The following WWOX variants were observed in gnomAD, a reference collection of about 807,000 sequenced individuals.
WWOX encodes WW domain-containing oxidoreductase.
Under a neutral mutation model 46.2 loss-of-function variants are expected in WWOX, and 69 were observed. That is an observed-to-expected ratio of 1.49 (90% CI 1.23 to 1.82). The LOEUF (loss-of-function observed/expected upper bound fraction) is 1.82, where lower values mean the gene tolerates loss of function less well. Ranked by LOEUF, WWOX falls within the 40% of genes most tolerant of loss-of-function variation. WWOX has a pLI of 0.00. For missense variants in WWOX, 919 were observed against 542.6 expected (o/e 1.69, Z -6.89); for synonymous variants, 359 against 202.6 (o/e 1.77, Z -6.56).
At position 79,197,244 on chromosome 16, in the gene WWOX, G is replaced by A. The variant is rs536294319; in HGVS notation, c.1057-14364G>A. 2.0e-5 allele frequency among the ~76,000 whole-genome samples: 3 copies of A among 152,232 alleles called. No individual in the cohort carries two copies. The South Asian group carries it at 6.2e-4, about 32-fold the overall frequency. ...ATCCCAATGGCTTTATGACCTTGAG[G>A]TCCTGATCTGTTTTATCATAGCTCT... is the stretch of plus-strand genomic sequence containing the variant. On this transcript the variant is annotated intron_variant, in intron 8 of 8. Coordinates refer to ENST00000566780, the MANE Select transcript of WWOX (RefSeq NM_016373.4).
At chr16:78,906,305 G>T (rs1202324349) in intron 8 of WWOX, among the ~76,000 whole-genome samples, 2 of 152,166 alleles carry the variant, frequency 1.3e-5, no homozygotes, top group African/African-American at 4.8e-5. Context: ...AAAGCCTCTT[G>T]GCCTTGAATA....
chr16:78,998,964 C>T (rs2047042265), intron 8 of WWOX, among the ~76,000 whole-genome samples: 1 of 152,188 alleles, frequency 6.6e-6, no homozygotes, highest in African/African-American at 2.4e-5. Flanking sequence ...TGGGTGTTGA[C>T]AGATTCCAGG....
rs2051768111 is a variant in WWOX at position 79,211,839 on chromosome 16, T to C, written c.*43T>C. On this transcript the variant is annotated 3_prime_UTR_variant, in exon 9 of 9. Transcript: ENST00000566780. ...TGGGCACACACACCCGCCCTGTGTG[T>C]GTCCCCTCACGCAAGTGCCAGGGCT... 2 of 1,612,116 alleles carry C rather than the reference T, an allele frequency of 1.2e-6. No homozygotes were observed. The highest frequency in any genetic ancestry group is 1.7e-6 in the Non-Finnish European group (2 of 1,179,492).
chr16:78,236,975 G>A (rs1293865174), intron 5 of WWOX, among the ~76,000 whole-genome samples: 3 of 151,348 alleles, frequency 2.0e-5, no homozygotes, highest in African/African-American at 4.9e-5. Context: ...TCAGGAGGCT[G>A]AGGCAGGAGA....
intron 5 of WWOX, among the ~76,000 whole-genome samples, chr16:78,202,292 C>G (rs1217140363): frequency 6.6e-6 from 1 of 152,202 alleles, no homozygotes; most frequent in African/African-American, 2.4e-5. Flanking sequence ...CATGAGGCCT[C>G]TGGTAGAAAG....
intron 8 of WWOX, among the ~76,000 whole-genome samples, chr16:78,973,137 G>T (rs1423369581): frequency 1.3e-5 from 2 of 152,184 alleles, no homozygotes; most frequent in Non-Finnish European, 2.9e-5. Flanking sequence ...GTATAAGGTG[G>T]GGTTGCGGAA....
intron 8 of WWOX, among the ~76,000 whole-genome samples, chr16:79,134,472 G>T (rs2049944108): frequency 6.6e-6 from 1 of 152,188 alleles, no homozygotes; most frequent in Non-Finnish European, 1.5e-5. Flanking sequence ...TGTGCAGAAT[G>T]AGGTCGAGGT....
intron 8 of WWOX, chr16:78,534,701 T>TTTTTATTTTTTTATTTCA (rs1459293569): frequency 3.2e-4 from 48 of 147,946 alleles, no homozygotes; most frequent in African/African-American, 1.2e-3. Context: ...GCTTTACATC[T>TTTTTATTTTTTTATTTCA]TTTTATTTTT....
chr16:78,790,191 C>T (rs1008669663), intron 8 of WWOX, among the ~76,000 whole-genome samples: 4 of 152,028 alleles, frequency 2.6e-5, no homozygotes, highest in Admixed American at 6.6e-5. Context: ...GGCTGGAGTG[C>T]AGTGGTGCGA....
chr16:79,007,991 C>G (rs1381604262), intron 8 of WWOX, among the ~76,000 whole-genome samples: 1 of 152,226 alleles, frequency 6.6e-6, no homozygotes, highest in East Asian at 1.9e-4. Context: ...TTTGTTATCT[C>G]ATAGCTCCAT....
At chr16:78,691,409 A>T (rs1281145168) in intron 8 of WWOX, 2 of 640,790 alleles carry the variant, frequency 3.1e-6, no homozygotes, top group East Asian at 2.7e-5. Context: ...GCTTTAGAAA[A>T]CATCTGGCTG....
At chr16:78,334,440 G>A (rs1276863817) in intron 5 of WWOX, among the ~76,000 whole-genome samples, 1 of 152,112 alleles carries the variant, frequency 6.6e-6, no homozygotes, top group African/African-American at 2.4e-5. Context: ...AGCTATGAGT[G>A]AACCATTAAA....
chr16:78,116,965 A>C (rs1320551556), intron 4 of WWOX, among the ~76,000 whole-genome samples: 1 of 152,230 alleles, frequency 6.6e-6, no homozygotes, highest in Non-Finnish European at 1.5e-5. Context: ...GCAACAGCAG[A>C]CCTGCGACAT....
At chr16:78,427,318 C>A (rs972008513) in intron 7 of WWOX, among the ~76,000 whole-genome samples, 1 of 152,172 alleles carries the variant, frequency 6.6e-6, no homozygotes, top group Non-Finnish European at 1.5e-5. Flanking sequence ...GTTTTAGTTA[C>A]TTATCTGGAA....
chr16:79,179,164 A>C (rs577567831), intron 8 of WWOX, among the ~76,000 whole-genome samples: 100 of 152,372 alleles, frequency 6.6e-4, no homozygotes, highest in African/African-American at 2.3e-3. Context: ...AAGGGACATA[A>C]TTAAAAGTCC....
At chr16:79,200,225 G>T (rs149051766) in intron 8 of WWOX, among the ~76,000 whole-genome samples, 1 of 152,290 alleles carries the variant, frequency 6.6e-6, no homozygotes, top group Non-Finnish European at 1.5e-5. Context: ...TAGAAATGGA[G>T]CTCAGAAAGG....
chr16:79,173,793 G>C (rs1265494702), intron 8 of WWOX, among the ~76,000 whole-genome samples: 1 of 152,048 alleles, frequency 6.6e-6, no homozygotes, highest in African/African-American at 2.4e-5. Context: ...TATGATAAAA[G>C]GTTTAATGAC....
intron 8 of WWOX, among the ~76,000 whole-genome samples, chr16:78,882,910 G>A (rs563487420): frequency 6.6e-6 from 1 of 152,174 alleles, no homozygotes; most frequent in South Asian, 2.1e-4. Flanking sequence ...CTGGAACAGA[G>A]CATAGCCTGT....
At chr16:78,251,884 T>C (rs1410928510) in intron 5 of WWOX, among the ~76,000 whole-genome samples, 1 of 152,242 alleles carries the variant, frequency 6.6e-6, no homozygotes, top group Admixed American at 6.5e-5. Context: ...GGATTTCATT[T>C]ATCCATGCTA....
Sources: gnomAD v4.1 joint callset for allele counts (sites outside exome capture counted in the v4.1 genomes callset) on GRCh38, gnomAD v4.1.1 for gene constraint, MANE v1.5 for transcripts, NCBI Gene and HGNC (gene_info 2026-07-23, HGNC 2026-07-21) for gene names.